SYT7: variants seen among roughly 807,000 people sequenced by gnomAD.
SYT7 encodes synaptotagmin 7.
In SYT7, 29 loss-of-function variants were observed where a neutral mutation model predicts 75.1. That is an observed-to-expected ratio of 0.39 (90% CI 0.29 to 0.53). The LOEUF is 0.53. SYT7 is among the 20% of genes least tolerant of loss of function. The pLI, the probability that SYT7 is intolerant of heterozygous loss-of-function variation, is 0.77. For synonymous variants in SYT7, 376 were observed against 401.7 expected (o/e 0.94, Z 0.76); for missense variants, 693 against 953.2 (o/e 0.73, Z 3.59).
upstream of SYT7, among the ~76,000 whole-genome samples, chr11:61,582,512 C>A (rs755905379): frequency 6.6e-6 from 1 of 152,088 alleles, no homozygotes; most frequent in African/African-American, 2.4e-5. Context: ...ACAACCACCA[C>A]ACACACACAT....
At chr11:61,577,451 C>T (rs1191090621) in intron 1 of SYT7, among the ~76,000 whole-genome samples, 1 of 152,210 alleles carries the variant, frequency 6.6e-6, no homozygotes, top group East Asian at 1.9e-4. Flanking sequence ...GACCTTCCCA[C>T]ACTCCAGCCC....
chr11:61,579,549 G>C (rs933531682), intron 1 of SYT7, among the ~76,000 whole-genome samples: 1 of 152,092 alleles, frequency 6.6e-6, no homozygotes, highest in Non-Finnish European at 1.5e-5. Flanking sequence ...GGTGGGAGCC[G>C]ATTCCTCAGG....
At chr11:61,526,977 G>T (rs150799874) in intron 9 of SYT7, among the ~76,000 whole-genome samples, 1 of 152,284 alleles carries the variant, frequency 6.6e-6, no homozygotes, top group Non-Finnish European at 1.5e-5. Context: ...ACTCTCCCTG[G>T]TTGAACCGGG....
chr11:61,548,059 G>A (rs909108690), intron 3 of SYT7, among the ~76,000 whole-genome samples: 7 of 152,210 alleles, frequency 4.6e-5, no homozygotes, highest in Non-Finnish European at 1.0e-4. Flanking sequence ...AAGACTGGGG[G>A]ATCTCAGCTG....
upstream of SYT7, among the ~76,000 whole-genome samples, chr11:61,584,199 C>G (rs1329261281): frequency 6.6e-6 from 1 of 151,932 alleles, no homozygotes; most frequent in Non-Finnish European, 1.5e-5. Context: ...ACTAGCCTGA[C>G]CAACATGGTG....
chr11:61,582,206 C>T (rs553192723), upstream of SYT7, among the ~76,000 whole-genome samples: 1 of 152,190 alleles, frequency 6.6e-6, no homozygotes, highest in African/African-American at 2.4e-5. Context: ...CTGCCCCTAC[C>T]CTTCACTGAT....
chr11:61,569,725 C>A (rs2063869205), intron 1 of SYT7, among the ~76,000 whole-genome samples: 1 of 151,716 alleles, frequency 6.6e-6, no homozygotes, highest in South Asian at 2.1e-4. Context: ...AGAGGAAGGA[C>A]AGGGAGGAAG....
intron 7 of SYT7, among the ~76,000 whole-genome samples, chr11:61,537,852 AG>A (rs979634283): frequency 6.6e-6 from 1 of 152,094 alleles, no homozygotes; most frequent in African/African-American, 2.4e-5. Flanking sequence ...GGAGCCAAGC[AG>A]GAAGATGGGG....
intron 2 of SYT7, 43 bp downstream of exon 2, chr11:61,556,061 C>T: frequency 1.3e-6 from 2 of 1,533,764 alleles, no homozygotes; most frequent in Non-Finnish European, 9.0e-7. Flanking sequence ...GGGCAGTGTG[C>T]AGGGCTAGGC....
chr11:61,542,293 C>T lies in SYT7; in HGVS notation c.859G>A (p.Gly287Ser). Residue 287 changes from glycine (G) to serine (S), a missense_variant, in exon 6 of 13, where the codon GGC (glycine) becomes AGC (serine). Gly to Ser is a moderately conservative substitution (Grantham distance 56). Around this residue, in one of 2 missense-constraint regions of SYT7, gnomAD observed 487 missense variants for 593.2 expected, o/e 0.82. Transcript: ENST00000539008. This position sits in a 1 kb window ranked among gnomAD's most constrained non-coding sequence, Gnocchi z 7.8. ...SAGSKYRAAG[G>S]RSRSNPGSWD... is the part of the protein sequence containing the mutation. ...CTGCCTGGGTTGGAGCGGCTGCGGC[C>T]CCCTGCCGCCCGGTACTTGGAGCCG... The T allele has an allele frequency of 6.5e-7, 1 of 1,534,550 alleles. No homozygotes were observed. Among genetic ancestry groups the T allele is most frequent in the Non-Finnish European group, 8.7e-7 (1 of 1,146,138 alleles).
rs2063091550 is a variant in SYT7 at position 61,542,985 on chromosome 11, C to T, written c.573-406G>A. ...GGGGTAGAGGGAGCTGCTGTGGCCC[C>T]TCCCGCTATTTCGCTGGGGGACACC... On this transcript the variant is annotated intron_variant, in intron 5 of 12. Coordinates refer to ENST00000539008, the MANE Select transcript of SYT7 (RefSeq NM_001365809.2). This position sits in a 1 kb window ranked among gnomAD's most constrained non-coding sequence, Gnocchi z 7.8. Among the ~76,000 whole-genome samples, 1 of 152,216 alleles carries T rather than the reference C, an allele frequency of 6.6e-6. No individual in the cohort carries two copies. Among genetic ancestry groups the T allele is most frequent in the South Asian group, 2.1e-4 (1 of 4,832 alleles).
In SYT7 at chr11:61,576,490, G is replaced by A. The variant is rs2064081770; in HGVS notation, c.31+4300C>T. On this transcript the variant is annotated intron_variant, in intron 1 of 12. Transcript: ENST00000539008. The surrounding 1 kb of genome is among the most constrained non-coding windows in gnomAD (Gnocchi z 4.1). ...TACAGGGCTGCCCATGCCCACCTGT[G>A]ATGCCACAGTGCTCTGAGGAGCCAT... 6.6e-6 allele frequency among the ~76,000 whole-genome samples: 1 copy of A among 152,200 alleles called. No individual in the cohort carries two copies. Among genetic ancestry groups the A allele is most frequent in the Admixed American group, 6.5e-5 (1 of 15,288 alleles).
chr11:61,582,330 C>T (rs1181980945), upstream of SYT7, among the ~76,000 whole-genome samples: 1 of 152,184 alleles, frequency 6.6e-6, no homozygotes, highest in East Asian at 1.9e-4. Context: ...ATTATTATTT[C>T]CACCCTGAGA....
rs1164613487 is a variant in SYT7 at position 61,517,460 on chromosome 11, G to T, written c.*1167C>A. ...ACAGTCCTGGAGAAGGTCAGGTGAT[G>T]GACGATCAGAGACCACGCACGATGA... On this transcript the variant is annotated 3_prime_UTR_variant, in exon 13 of 13. Transcript: ENST00000539008. 1 of 398,720 alleles carries T rather than the reference G, an allele frequency of 2.5e-6. No homozygotes were observed. Among genetic ancestry groups the T allele is most frequent in the Non-Finnish European group, 4.4e-6 (1 of 226,240 alleles). The allele number at this position is 398,720 out of a possible 1,614,324, so 24.7% of individuals were successfully genotyped here.
At chr11:61,568,831 G>T (rs981608272) in intron 1 of SYT7, among the ~76,000 whole-genome samples, 1 of 152,228 alleles carries the variant, frequency 6.6e-6, no homozygotes, top group Non-Finnish European at 1.5e-5. Flanking sequence ...TGTCTGAATT[G>T]ACCCTCATGA....
intron 12 of SYT7, among the ~76,000 whole-genome samples, chr11:61,520,032 C>T (rs1286417697): frequency 9.4e-6 from 1 of 106,454 alleles, no homozygotes; most frequent in African/African-American, 9.5e-5. Context: ...GTTGGGCAAA[C>T]TGGTCTCACA....
intron 1 of SYT7, among the ~76,000 whole-genome samples, chr11:61,571,541 C>T (rs888533748): frequency 9.2e-5 from 14 of 152,226 alleles, no homozygotes; most frequent in African/African-American, 3.1e-4. Context: ...CCTCTGCTTC[C>T]TTCTAGTGCC....
Position 61,546,070 on chromosome 11 carries a change from A to T in SYT7, c.533T>A (p.Val178Glu). The change falls in exon 5 of 13, where the codon GTG becomes GAG. Residue 178 changes from valine to glutamate, a missense_variant. Physicochemically the swap from Val to Glu is moderately radical, Grantham distance 121. Around this residue, in one of 2 missense-constraint regions of SYT7, gnomAD observed 487 missense variants for 593.2 expected, o/e 0.82. Transcript: ENST00000539008. This position sits in a 1 kb window ranked among gnomAD's most constrained non-coding sequence, Gnocchi z 7.6. ...CTTCCCTGCGGCCAGGTGGCTCTGCACCGTCCGCCAGCGGCCTCTCCCCGC... is the reference window on the plus strand; with the variant it reads ...CTTCCCTGCGGCCAGGTGGCTCTGCTCCGTCCGCCAGCGGCCTCTCCCCGC... ...GKAGRGRWRT[V>E]QSHLAAGKLN... is the part of the protein sequence containing the mutation. 1 of 1,532,270 alleles carries T rather than the reference A, an allele frequency of 6.5e-7. No homozygotes were observed. Among genetic ancestry groups the T allele is most frequent in the African/African-American group, 1.4e-5 (1 of 72,646 alleles). The allele number at this position is 1,532,270 out of a possible 1,614,324, so 94.9% of individuals were successfully genotyped here.
intron 6 of SYT7, chr11:61,541,086 C>A (rs2063029990): frequency 1.0e-6 from 1 of 985,498 alleles, no homozygotes; most frequent in Admixed American, 6.1e-5. Flanking sequence ...TCTCCCAGGG[C>A]AGTGCTCCCA....
Sources: allele counts gnomAD v4.1 joint callset (sites outside exome capture counted in the v4.1 genomes callset), GRCh38; gene constraint gnomAD v4.1.1; regional missense constraint gnomAD v4.1.1; non-coding constraint Gnocchi (gnomAD v3.1); transcripts MANE v1.5; gene names NCBI Gene and HGNC (gene_info 2026-07-23, HGNC 2026-07-21).